The following HTR1F variants were observed in gnomAD, a reference collection of about 807,000 sequenced individuals.
HTR1F encodes 5-hydroxytryptamine receptor 1F.
In HTR1F, 17 loss-of-function variants were observed where a neutral mutation model predicts 24.0. That is an observed-to-expected ratio of 0.71 (90% CI 0.48 to 1.06). The LOEUF is 1.06. Ranked by LOEUF, HTR1F falls within the 50% of genes least tolerant of loss-of-function variation. The pLI, the probability that HTR1F is intolerant of heterozygous loss-of-function variation, is 0.00. For synonymous variants in HTR1F, 186 were observed against 156.8 expected (o/e 1.19, Z -1.39); for missense variants, 391 against 427.8 (o/e 0.91, Z 0.76).
chr3:87,911,959 T>A (rs1703787902), intron 2 of HTR1F, among the ~76,000 whole-genome samples: 1 of 152,118 alleles, frequency 6.6e-6, no homozygotes, highest in Middle Eastern at 3.2e-3. Flanking sequence ...ACAGCCAACA[T>A]CATACCGAAT....
intron 2 of HTR1F, among the ~76,000 whole-genome samples, chr3:87,866,805 C>T (rs1705436116): frequency 7.0e-6 from 1 of 143,068 alleles, no homozygotes; most frequent in African/African-American, 2.8e-5. Context: ...TGTACATGGG[C>T]ACAAGTGTGC....
chr3:87,941,966 C>A (rs1344771819), intron 2 of HTR1F, among the ~76,000 whole-genome samples: 3 of 152,002 alleles, frequency 2.0e-5, no homozygotes, highest in Non-Finnish European at 2.9e-5. Context: ...CTTTTGGAGT[C>A]CTTGTTGGGC....
chr3:87,911,219 C>G (rs1477064046), intron 2 of HTR1F, among the ~76,000 whole-genome samples: 1 of 151,824 alleles, frequency 6.6e-6, no homozygotes, highest in African/African-American at 2.4e-5. Context: ...AGTCGACTAG[C>G]TAGACTAATA....
chr3:87,829,872 C>T (rs974626022), intron 2 of HTR1F, among the ~76,000 whole-genome samples: 1 of 152,084 alleles, frequency 6.6e-6, no homozygotes, highest in Non-Finnish European at 1.5e-5. Context: ...TACTGATATG[C>T]TCAATTAGAG....
chr3:87,955,219 T>C (rs1456764333), intron 2 of HTR1F, among the ~76,000 whole-genome samples: 10 of 151,584 alleles, frequency 6.6e-5, no homozygotes, highest in African/African-American at 2.4e-4. Flanking sequence ...TCCCTGCCTT[T>C]GTCTCTGGAC....
chr3:87,939,279 A>G (rs775631245), intron 2 of HTR1F, among the ~76,000 whole-genome samples: 23 of 152,184 alleles, frequency 1.5e-4, no homozygotes, highest in Non-Finnish European at 2.6e-4. Flanking sequence ...GTTGGCCAGT[A>G]TTTTATTAAG....
intron 2 of HTR1F, among the ~76,000 whole-genome samples, chr3:87,945,211 A>G (rs1239994527): frequency 6.6e-6 from 1 of 151,952 alleles, no homozygotes; most frequent in Non-Finnish European, 1.5e-5. Context: ...CGGGTCCCAC[A>G]TAACTGCCCA....
chr3:87,862,285 C>T (rs950717867), intron 2 of HTR1F, among the ~76,000 whole-genome samples: 8 of 152,204 alleles, frequency 5.3e-5, no homozygotes, highest in African/African-American at 1.9e-4. Flanking sequence ...AGTTACCAAT[C>T]TCAAGCAATT....
At chr3:87,828,881 A>G (rs1704515803) in intron 2 of HTR1F, among the ~76,000 whole-genome samples, 1 of 152,170 alleles carries the variant, frequency 6.6e-6, no homozygotes, top group Non-Finnish European at 1.5e-5. Flanking sequence ...GTCATACTTT[A>G]CCAAATCCAT....
At chr3:87,920,999 C>T (rs1209337455) in intron 2 of HTR1F, among the ~76,000 whole-genome samples, 2 of 151,988 alleles carry the variant, frequency 1.3e-5, no homozygotes, top group East Asian at 1.9e-4. Flanking sequence ...TCTCACATAT[C>T]CCCCTAAAGC....
chr3:87,863,145 A>T (rs114727668), intron 2 of HTR1F, among the ~76,000 whole-genome samples: 3,225 of 152,210 alleles, frequency 0.021, 121 homozygotes, highest in African/African-American at 0.074. Flanking sequence ...AAAGCCTTTT[A>T]TATGAATGAA....
At chr3:87,945,868 C>T (rs530204516) in intron 2 of HTR1F, among the ~76,000 whole-genome samples, 55 of 151,596 alleles carry the variant, frequency 3.6e-4, no homozygotes, top group African/African-American at 1.3e-3. Context: ...CCGGGGGGGT[C>T]CTTGCTCCCA....
intron 2 of HTR1F, among the ~76,000 whole-genome samples, chr3:87,932,601 T>A (rs1012977314): frequency 6.6e-6 from 1 of 152,122 alleles, no homozygotes; most frequent in African/African-American, 2.4e-5. Flanking sequence ...GGTAGCTTGA[T>A]GGGGATGGCA....
rs534099025 is a variant in HTR1F at position 87,853,247 on chromosome 3, C to A, written c.-43+31123C>A. On this transcript the variant is annotated intron_variant, in intron 2 of 2. Transcript: ENST00000319595. Reference sequence around the variant, plus strand: ...CCCACCCTCCACCCTCAAGTAGGGCCCAGTGTGTGTTGTTCCTATTTGTCC... The same window carrying A: ...CCCACCCTCCACCCTCAAGTAGGGCACAGTGTGTGTTGTTCCTATTTGTCC... Among the ~76,000 whole-genome samples the A allele has an allele frequency of 7.2e-5, 11 of 152,010 alleles. No homozygotes were observed. In the East Asian group the frequency reaches 1.9e-3, roughly 27 times the overall value.
intron 2 of HTR1F, among the ~76,000 whole-genome samples, chr3:87,893,978 T>C (rs1182147723): frequency 2.0e-5 from 3 of 152,138 alleles, no homozygotes; most frequent in Non-Finnish European, 4.4e-5. Context: ...CTCATTTTTT[T>C]TCCTTTCTGC....
At chr3:87,822,203 C>G (rs1257789265) in intron 2 of HTR1F, among the ~76,000 whole-genome samples, 79 bp downstream of exon 2, 1 of 151,564 alleles carries the variant, frequency 6.6e-6, no homozygotes, top group Non-Finnish European at 1.5e-5. Flanking sequence ...AATCAAAGAA[C>G]GTAATGCAAA....
At chr3:87,827,108 T>C (rs577733356) in intron 2 of HTR1F, among the ~76,000 whole-genome samples, 7 of 146,272 alleles carry the variant, frequency 4.8e-5, no homozygotes, top group African/African-American at 1.4e-4. Flanking sequence ...ACCACTATCA[T>C]TATTTTCTTT....
Position 87,813,823 on chromosome 3 carries a change from G to A in HTR1F, c.-159-8185G>A, listed in dbSNP as rs772260785. On this transcript the variant is annotated intron_variant, in intron 1 of 2. Transcript: ENST00000319595. Reference sequence around the variant, plus strand: ...CAGTTCCTCCTTCATATGCTCTCTCGCCTGTCACCATATAGGATATACCTG... The same window carrying A: ...CAGTTCCTCCTTCATATGCTCTCTCACCTGTCACCATATAGGATATACCTG... Among the ~76,000 whole-genome samples, 4 of 152,098 alleles carry A rather than the reference G, an allele frequency of 2.6e-5. No individual in the cohort carries two copies. In the South Asian group the frequency reaches 6.2e-4, roughly 24 times the overall value.
chr3:87,941,037 T>C (rs2107438969), intron 2 of HTR1F, among the ~76,000 whole-genome samples: 1 of 152,332 alleles, frequency 6.6e-6, no homozygotes, highest in African/African-American at 2.4e-5. Context: ...AGCTCGTCCT[T>C]TGGACCTGTG....
Sources: gnomAD v4.1 joint callset for allele counts (sites outside exome capture counted in the v4.1 genomes callset) on GRCh38, gnomAD v4.1.1 for gene constraint, MANE v1.5 for transcripts, NCBI Gene and HGNC (gene_info 2026-07-23, HGNC 2026-07-21) for gene names.